The following NRXN1 variants were observed in gnomAD, a reference collection of about 807,000 sequenced individuals.
NRXN1 encodes neurexin 1, also known as neurexin-1.
In NRXN1, 39 loss-of-function variants were observed where a neutral mutation model predicts 150.9. The ratio of observed to expected loss-of-function variants is 0.26; its 90% confidence interval spans 0.20 to 0.34. NRXN1 has a LOEUF of 0.34. Among genes scored for constraint, NRXN1 ranks in the 10% least tolerant of loss-of-function variants. The pLI is 1.00. For missense variants in NRXN1, 1,815 were observed against 1,949.9 expected, an observed-to-expected ratio of 0.93 and a Z score of 1.30; for synonymous variants, 924 against 757.0, an observed-to-expected ratio of 1.22 and a Z score of -3.62.
At chr2:50,188,820 C>G (rs1043470732) in intron 18 of NRXN1, among the ~76,000 whole-genome samples, 1 of 152,136 alleles carries the variant, frequency 6.6e-6, no homozygotes, top group Middle Eastern at 3.2e-3. Context: ...CAATGAGATA[C>G]CATCTCATGC....
chr2:50,753,981 C>A (rs1278161492), intron 5 of NRXN1, among the ~76,000 whole-genome samples: 3 of 142,458 alleles, frequency 2.1e-5, no homozygotes, highest in African/African-American at 8.0e-5. Context: ...GGGCGGAATT[C>A]CCAATGGCAT....
intron 2 of NRXN1, among the ~76,000 whole-genome samples, chr2:50,951,255 G>C (rs1186222735): frequency 6.6e-6 from 1 of 152,140 alleles, no homozygotes; most frequent in Non-Finnish European, 1.5e-5. Flanking sequence ...GAGGCACAAA[G>C]CCTGTAAATC....
chr2:50,139,279 T>G (rs957721535), intron 18 of NRXN1, among the ~76,000 whole-genome samples: 1 of 148,038 alleles, frequency 6.8e-6, no homozygotes. Flanking sequence ...TGATCTGAGA[T>G]TGTGCCACTG....
intron 18 of NRXN1, among the ~76,000 whole-genome samples, chr2:50,234,323 G>A (rs532380476): frequency 1.2e-4 from 19 of 152,066 alleles, no homozygotes; most frequent in Non-Finnish European, 2.5e-4. Flanking sequence ...GTGAAAACCC[G>A]TCTCTACCGC....
Position 50,935,430 on chromosome 2 carries a change from G to A in NRXN1, c.773-9475C>T, listed in dbSNP as rs1406855482. ...AAGGCAAATAAAAACTGAGTAGGGA[G>A]AATAGAAAAATAATCCTTAGGCTGG... On this transcript the variant is annotated intron_variant, in intron 2 of 22. Transcript: ENST00000401669. 2.0e-5 allele frequency among the ~76,000 whole-genome samples: 3 copies of A among 152,070 alleles called. No homozygotes were observed. In the East Asian group the frequency reaches 5.8e-4, roughly 29 times the overall value.
intron 5 of NRXN1, among the ~76,000 whole-genome samples, chr2:50,708,569 G>T (rs1694745613): frequency 6.6e-6 from 1 of 152,128 alleles, no homozygotes; most frequent in Admixed American, 6.6e-5. Flanking sequence ...ACCTTGAATT[G>T]TTGTCCTCAA....
chr2:50,770,360 AT>A, intron 5 of NRXN1, among the ~76,000 whole-genome samples: 1 of 151,746 alleles, frequency 6.6e-6, no homozygotes, highest in South Asian at 2.1e-4. Context: ...TGATAGATAG[AT>A]TTTTTCCCCT....
At chr2:50,336,127 T>C (rs544570224) in intron 17 of NRXN1, among the ~76,000 whole-genome samples, 11 of 152,314 alleles carry the variant, frequency 7.2e-5, no homozygotes, top group Non-Finnish European at 1.0e-4. Context: ...AGTAATCCTT[T>C]ATGTCACAAG....
At chr2:50,329,686 C>A (rs1183377432) in intron 17 of NRXN1, among the ~76,000 whole-genome samples, 4 of 101,170 alleles carry the variant, frequency 4.0e-5, no homozygotes, top group East Asian at 3.0e-4. Flanking sequence ...TTTTTTTTTC[C>A]CCCCCGAGAC....
At chr2:50,463,250 A>G (rs1206789078) in intron 17 of NRXN1, among the ~76,000 whole-genome samples, 1 of 151,850 alleles carries the variant, frequency 6.6e-6, no homozygotes, top group Non-Finnish European at 1.5e-5. Flanking sequence ...TGCTATTTCT[A>G]TTGCTTATTA....
chr2:50,954,255 T>C (rs1691904857), intron 2 of NRXN1, among the ~76,000 whole-genome samples: 2 of 152,350 alleles, frequency 1.3e-5, no homozygotes, highest in South Asian at 4.1e-4. Flanking sequence ...TGATATTACA[T>C]TACTGCTCAA....
chr2:50,755,243 C>T (rs1294291886), intron 5 of NRXN1, among the ~76,000 whole-genome samples: 1 of 151,752 alleles, frequency 6.6e-6, no homozygotes, highest in Non-Finnish European at 1.5e-5. Context: ...AATCTCAACC[C>T]CACCGCTTCT....
intron 17 of NRXN1, among the ~76,000 whole-genome samples, chr2:50,330,389 A>G (rs957160289): frequency 6.6e-6 from 1 of 152,218 alleles, no homozygotes; most frequent in Admixed American, 6.5e-5. Flanking sequence ...TTCGACAGAA[A>G]GAATTTAAAA....
At chr2:49,936,817 TACACACAC>T (rs58323578) in intron 22 of NRXN1, among the ~76,000 whole-genome samples, 3 of 148,594 alleles carry the variant, frequency 2.0e-5, no homozygotes, top group Admixed American at 2.0e-4. Context: ...AAAACATATG[TACACACAC>T]ACACACACAC....
chr2:50,587,986 G>C (rs1673450066), intron 8 of NRXN1, among the ~76,000 whole-genome samples: 2 of 152,062 alleles, frequency 1.3e-5, no homozygotes, highest in South Asian at 4.1e-4. Flanking sequence ...TCTTCTTTGT[G>C]AGTGCCTATT....
At chr2:50,275,055 C>T (rs2070259866) in intron 17 of NRXN1, among the ~76,000 whole-genome samples, 1 of 152,176 alleles carries the variant, frequency 6.6e-6, no homozygotes, top group Non-Finnish European at 1.5e-5. Flanking sequence ...AAAACAGATA[C>T]TTTAAACACC....
chr2:50,878,615 C>T (rs897107928), intron 5 of NRXN1, among the ~76,000 whole-genome samples: 7 of 151,974 alleles, frequency 4.6e-5, no homozygotes, highest in Non-Finnish European at 8.8e-5. Flanking sequence ...AGTGACTGAG[C>T]TATAAGGATT....
At chr2:49,929,223 G>A (rs1669689853) in intron 22 of NRXN1, among the ~76,000 whole-genome samples, 1 of 152,086 alleles carries the variant, frequency 6.6e-6, no homozygotes, top group Non-Finnish European at 1.5e-5. Context: ...ACCTCATATG[G>A]TACCACATCG....
rs572258319 is a variant in NRXN1, at chr2:50,515,108, T to C, written c.2375-8491A>G. 9.2e-5 allele frequency among the ~76,000 whole-genome samples: 14 copies of C among 152,250 alleles called. No homozygotes were observed. The East Asian group carries it at 2.5e-3, about 27-fold the overall frequency. ...TTACAGCCGCTCTCCATTACTCACA[T>C]CACCATCTGAGCTCCACCTCATGTC... On this transcript the variant is annotated intron_variant, in intron 12 of 22. Coordinates refer to ENST00000401669, the MANE Select transcript of NRXN1 (RefSeq NM_001330078.2).
Sources: allele counts gnomAD v4.1 joint callset (sites outside exome capture counted in the v4.1 genomes callset), GRCh38; gene constraint gnomAD v4.1.1; transcripts MANE v1.5; gene names NCBI Gene and HGNC (gene_info 2026-07-23, HGNC 2026-07-21).